Variants in ECT2L observed in about 807,000 individuals in gnomAD.
ECT2L encodes epithelial cell-transforming sequence 2 oncogene-like.
Under a neutral mutation model 122.8 loss-of-function variants are expected in ECT2L, and 126 were observed. That is an observed-to-expected ratio of 1.03 (90% CI 0.89 to 1.19). ECT2L has a LOEUF of 1.19. ECT2L is among the 50% of genes most tolerant of loss of function. The pLI, the probability that ECT2L is intolerant of heterozygous loss-of-function variation, is 0.00. For synonymous variants in ECT2L, 385 were observed against 381.8 expected, an observed-to-expected ratio of 1.01 and a Z score of -0.10; for missense variants, 1,012 against 1,064.1, an observed-to-expected ratio of 0.95 and a Z score of 0.68.
intron 15 of ECT2L, 125 bp from the exon 16 acceptor site, chr6:138,882,598 AT>A: frequency 8.8e-7 from 1 of 1,141,926 alleles, no homozygotes; most frequent in East Asian, 2.5e-5. Context: ...TTAGGAAGAA[AT>A]GACTTGACCA....
intron 20 of ECT2L, among the ~76,000 whole-genome samples, chr6:138,893,651 A>G (rs1389249708): frequency 6.6e-6 from 1 of 151,996 alleles, no homozygotes; most frequent in Non-Finnish European, 1.5e-5. Context: ...CGAACTCCTG[A>G]CCTCAAATGA....
intron 13 of ECT2L, among the ~76,000 whole-genome samples, chr6:138,871,484 C>T (rs944173266): frequency 2.0e-5 from 3 of 152,224 alleles, no homozygotes; most frequent in African/African-American, 7.2e-5. Context: ...CCCAAATGAA[C>T]TCAGCAGCAC....
intron 5 of ECT2L, among the ~76,000 whole-genome samples, chr6:138,841,748 G>A (rs768283146): frequency 6.6e-6 from 1 of 152,104 alleles, no homozygotes; most frequent in African/African-American, 2.4e-5. Flanking sequence ...CTTCTTTCTG[G>A]GGTCTTGGTT....
At chr6:138,865,682 G>A (rs1470179570) in intron 12 of ECT2L, among the ~76,000 whole-genome samples, 1 of 152,210 alleles carries the variant, frequency 6.6e-6, no homozygotes, top group Non-Finnish European at 1.5e-5. Flanking sequence ...ATGACGGAAT[G>A]AATGATCACA....
chr6:138,824,558 T>TTA (rs1554269888), intron 4 of ECT2L, among the ~76,000 whole-genome samples: 4 of 131,774 alleles, frequency 3.0e-5, no homozygotes, highest in Admixed American at 8.1e-5. Context: ...AAAAAAACTA[T>TTA]AAAAAAAAAC....
At position 138,881,120 on chromosome 6, in the gene ECT2L, C is replaced by T. The variant is rs1278065072; in HGVS notation, c.1829C>T (p.Ala610Val). 5 of 1,614,128 alleles carry T rather than the reference C, an allele frequency of 3.1e-6. No individual in the cohort carries two copies. Among genetic ancestry groups the T allele is most frequent in the East Asian group, 4.5e-5 (2 of 44,882 alleles). ...TCAAACAGAGCGATTCTGAGTGCTG[C>T]CAATATCCAGATCATTTTCTGTGAC... ...LSSNRAILSA[A>V]NIQIIFCDIL... is the part of the protein sequence containing the mutation. The change falls in exon 15 of 22, where the codon GCC (alanine) becomes GTC (valine). Residue 610 changes from alanine to valine, a missense_variant. By Grantham distance (64) the Ala-to-Val change is moderately conservative (BLOSUM62 0). Coordinates refer to ENST00000541398, the MANE Select transcript of ECT2L (RefSeq NM_001077706.3).
At chr6:138,882,662 T>C (rs1778681089) in intron 15 of ECT2L, 62 bp from the exon 16 acceptor site, 1 of 1,584,568 alleles carries the variant, frequency 6.3e-7, no homozygotes, top group Non-Finnish European at 8.6e-7. Flanking sequence ...TGACAATGGA[T>C]ATTTGGGTTT....
chr6:138,845,934 G>A (rs921426974), intron 7 of ECT2L, among the ~76,000 whole-genome samples: 7 of 152,068 alleles, frequency 4.6e-5, no homozygotes, highest in Non-Finnish European at 7.4e-5. Flanking sequence ...ATCTGGGTGT[G>A]ATGGTACACA....
chr6:138,892,335 T>G (rs1189363615), intron 20 of ECT2L, among the ~76,000 whole-genome samples: 3 of 152,210 alleles, frequency 2.0e-5, no homozygotes, highest in South Asian at 2.1e-4. Context: ...TTACATTACC[T>G]GTCTGTTCTT....
intron 4 of ECT2L, among the ~76,000 whole-genome samples, chr6:138,837,221 C>T (rs1776871175): frequency 6.6e-6 from 1 of 152,070 alleles, no homozygotes; most frequent in Admixed American, 6.6e-5. Context: ...TCTAGCTTTC[C>T]TCCTTTACAT....
At chr6:138,814,467 C>T in intron 3 of ECT2L, 24 bp from the exon 4 acceptor site, 1 of 1,469,340 alleles carries the variant, frequency 6.8e-7, no homozygotes, top group Non-Finnish European at 9.5e-7. Context: ...CAGCAAATGT[C>T]ACTTCCTCCC....
At chr6:138,822,263 G>T (rs1469248071) in intron 4 of ECT2L, among the ~76,000 whole-genome samples, 1 of 152,178 alleles carries the variant, frequency 6.6e-6, no homozygotes, top group Non-Finnish European at 1.5e-5. Flanking sequence ...CATTACATGG[G>T]GAAGGAGGCC....
chr6:138,798,093 T>C (rs1234007628), intron 1 of ECT2L, among the ~76,000 whole-genome samples: 1 of 152,212 alleles, frequency 6.6e-6, no homozygotes, highest in Non-Finnish European at 1.5e-5. Context: ...GAGAAAGGTA[T>C]GTGGGCAAGG....
chr6:138,901,996 T>C (rs987885138), intron 21 of ECT2L, among the ~76,000 whole-genome samples: 4 of 152,190 alleles, frequency 2.6e-5, no homozygotes, highest in African/African-American at 9.6e-5. Flanking sequence ...CATCACTGGG[T>C]ATGGTTAGTG....
chr6:138,893,575 T>C (rs1377035491), intron 20 of ECT2L, among the ~76,000 whole-genome samples: 1 of 151,778 alleles, frequency 6.6e-6, no homozygotes, highest in East Asian at 1.9e-4. Context: ...TGCACGCTGT[T>C]ACTGCTCGGC....
chr6:138,865,229 T>C (rs1388553490), intron 12 of ECT2L, 51 bp downstream of exon 12: 1 of 1,514,816 alleles, frequency 6.6e-7, no homozygotes. Flanking sequence ...GTTGCTTTCA[T>C]ATCCCGAGTA....
intron 20 of ECT2L, among the ~76,000 whole-genome samples, chr6:138,890,938 T>C (rs1779001578): frequency 6.6e-6 from 1 of 152,206 alleles, no homozygotes; most frequent in South Asian, 2.1e-4. Flanking sequence ...TTTTTATCCT[T>C]TTTCCTCTAT....
intron 10 of ECT2L, among the ~76,000 whole-genome samples, chr6:138,862,397 TAAA>T (rs1362283744): frequency 6.6e-6 from 1 of 152,014 alleles, no homozygotes; most frequent in Non-Finnish European, 1.5e-5. Flanking sequence ...CACACACTTT[TAAA>T]CAACCAGATC....
At chr6:138,887,044 G>A (rs1022106955) in intron 19 of ECT2L, 122 bp downstream of exon 19, 4 of 757,882 alleles carry the variant, frequency 5.3e-6, no homozygotes, top group African/African-American at 3.5e-5. Context: ...TACGTGCCAG[G>A]CACTGCCATG....
Sources: allele counts gnomAD v4.1 joint callset (sites outside exome capture counted in the v4.1 genomes callset), GRCh38; gene constraint gnomAD v4.1.1; transcripts MANE v1.5; gene names NCBI Gene and HGNC (gene_info 2026-07-23, HGNC 2026-07-21).